Variants in TTYH2 observed in about 807,000 individuals in gnomAD.
TTYH2 encodes protein tweety homolog 2.
Under a neutral mutation model 68.3 loss-of-function variants are expected in TTYH2, and 49 were observed. The ratio of observed to expected loss-of-function variants is 0.72; its 90% CI spans 0.57 to 0.91. TTYH2 has a LOEUF of 0.91. Among genes scored for constraint, TTYH2 ranks in the 40% least tolerant of loss-of-function variants. The pLI is 0.00. For missense variants in TTYH2, 631 were observed against 700.4 expected, an observed-to-expected ratio of 0.90 and a Z score of 1.12; for synonymous variants, 272 against 300.8, an observed-to-expected ratio of 0.90 and a Z score of 0.99.
chr17:74,260,069 T>C (rs1598238360), intron 13 of TTYH2, 60 bp from the exon 14 acceptor site: 2 of 1,498,638 alleles, frequency 1.3e-6, no homozygotes, highest in East Asian at 2.3e-5. Flanking sequence ...CCCGGCACCT[T>C]TGCTGGTGCA....
In TTYH2 at chr17:74,213,821, T is replaced by G; in HGVS notation, c.129+105T>G. The G allele has an allele frequency of 2.9e-6, 4 of 1,381,348 alleles. No homozygotes were observed. The highest frequency in any genetic ancestry group is 2.7e-5 in the East Asian group (1 of 37,052). The allele number at this position is 1,381,348 out of a possible 1,614,324, so 85.6% of individuals were successfully genotyped here. A position where few individuals can be genotyped will look rare whatever the true frequency, so the allele number is the denominator to read the frequency against. Reference sequence around the variant, plus strand: ...CTTTCCCACGTGCCTCTCAGACCCCTTCTCTCCCCGCGCAGCCCTTTCCCG... The same window carrying G: ...CTTTCCCACGTGCCTCTCAGACCCCGTCTCTCCCCGCGCAGCCCTTTCCCG... On this transcript the variant is annotated intron_variant, in intron 1 of 13. Transcript: ENST00000269346. This position sits in a 1 kb window ranked among gnomAD's most constrained non-coding sequence, Gnocchi z 6.1.
At chr17:74,226,178 T>C (rs1003193280) in intron 2 of TTYH2, among the ~76,000 whole-genome samples, 1 of 152,082 alleles carries the variant, frequency 6.6e-6, no homozygotes, top group Non-Finnish European at 1.5e-5. Flanking sequence ...CCAAGTGCAG[T>C]TGGAGTTATA....
chr17:74,245,896 G>A (rs1046307542), intron 6 of TTYH2, among the ~76,000 whole-genome samples: 102 of 144,520 alleles, frequency 7.1e-4, no homozygotes, highest in African/African-American at 2.2e-3. Context: ...CCCCACCCCC[G>A]ACCCCTACCC....
chr17:74,236,164 C>T (rs1387775673), intron 3 of TTYH2, among the ~76,000 whole-genome samples: 1 of 152,172 alleles, frequency 6.6e-6, no homozygotes, highest in African/African-American at 2.4e-5. Flanking sequence ...GACACACATC[C>T]AGGGGAGGAT....
chr17:74,250,062 G>C, intron 9 of TTYH2, 34 bp downstream of exon 9: 1 of 1,609,028 alleles, frequency 6.2e-7, no homozygotes, highest in East Asian at 2.2e-5. Context: ...GGGAGCCCCA[G>C]ATGAACCCTG....
chr17:74,243,540 C>T, intron 5 of TTYH2, 71 bp downstream of exon 5: 1 of 1,521,912 alleles, frequency 6.6e-7, no homozygotes, highest in Non-Finnish European at 9.1e-7. Flanking sequence ...GAGACGAGGG[C>T]CTGGCCAGCT....
At chr17:74,255,508 G>A (rs1323088153) in intron 13 of TTYH2, among the ~76,000 whole-genome samples, 2 of 151,902 alleles carry the variant, frequency 1.3e-5, no homozygotes, top group Non-Finnish European at 2.9e-5. Flanking sequence ...CTGGAGTGCA[G>A]TGATGTCATC....
intron 2 of TTYH2, among the ~76,000 whole-genome samples, chr17:74,228,114 G>A (rs554560644): frequency 1.8e-3 from 269 of 151,382 alleles, no homozygotes; most frequent in African/African-American, 6.2e-3. Context: ...CTCCCGAGTA[G>A]CTGGGATTAC....
chr17:74,246,309 G>T (rs946487053), intron 6 of TTYH2, among the ~76,000 whole-genome samples: 1 of 152,172 alleles, frequency 6.6e-6, no homozygotes, highest in African/African-American at 2.4e-5. Flanking sequence ...CCCCTTCCCA[G>T]CAGTGGAAAC....
At chr17:74,247,856 C>CGT (rs138468457) in intron 6 of TTYH2, 27 of 151,614 alleles carry the variant, frequency 1.8e-4, no homozygotes, top group Admixed American at 6.6e-4. Flanking sequence ...TGCGTGCATG[C>CGT]GTGTGTGTGT....
chr17:74,253,011 G>A (rs2050651268), intron 11 of TTYH2, 70 bp from the exon 12 acceptor site: 2 of 1,539,652 alleles, frequency 1.3e-6, no homozygotes, highest in Admixed American at 1.8e-5. Flanking sequence ...CAGGGAAGTA[G>A]GACAGGACCT....
chr17:74,226,952 T>TTTTCTCTTCCTTTCC (rs1451699888), intron 2 of TTYH2, among the ~76,000 whole-genome samples: 1 of 152,070 alleles, frequency 6.6e-6, no homozygotes, highest in African/African-American at 2.4e-5. Context: ...CTTTCCTTTC[T>TTTTCTCTTCCTTTCC]TTTCTCTTCC....
chr17:74,261,665 T>C lies in TTYH2; in HGVS notation c.*1456T>C, dbSNP rs2050752243. 6.6e-6 allele frequency: 1 copy of C among 152,530 alleles called. No individual in the cohort carries two copies. Among genetic ancestry groups the C allele is most frequent in the Non-Finnish European group, 1.5e-5 (1 of 68,044 alleles). 9.4% of individuals were successfully genotyped at this position (152,530 alleles called of 1,614,324 possible). On this transcript the variant is annotated 3_prime_UTR_variant, in exon 14 of 14. Transcript: ENST00000269346. ...GTGCGGTGACTCGGTGCTTCTGTTT[T>C]GGAAGAACCACCTGTCATCAAAACA...
chr17:74,249,145 A>G (rs1347803824), intron 7 of TTYH2, 65 bp downstream of exon 7: 2 of 1,606,638 alleles, frequency 1.2e-6, no homozygotes, highest in African/African-American at 2.7e-5. Context: ...GCCCCTACTT[A>G]CCTCTTTCAG....
rs1328124249 is a variant in TTYH2, at chr17:74,236,914, G to A, written c.415-380G>A. Among the ~76,000 whole-genome samples, 7 of 127,380 alleles carry A rather than the reference G, an allele frequency of 5.5e-5. No individual in the cohort carries two copies. In the East Asian group the frequency reaches 1.1e-3, roughly 20 times the overall value. 83.6% of individuals were successfully genotyped at this position (127,380 alleles called of 152,430 possible). A position where few individuals can be genotyped will look rare whatever the true frequency, so the allele number is the denominator to read the frequency against. The stretch of plus-strand genomic sequence containing the variant: ...GGCCAGCTTTTTTTTTTTTTTTTTC[G>A]ACACAGAGTATCACTCTTGTCGCCC... On this transcript the variant is annotated intron_variant, in intron 3 of 13. Transcript: ENST00000269346.
At chr17:74,219,464 C>G (rs2050255121) in intron 1 of TTYH2, among the ~76,000 whole-genome samples, 1 of 151,146 alleles carries the variant, frequency 6.6e-6, no homozygotes, top group Admixed American at 6.6e-5. Flanking sequence ...GAATTTATAC[C>G]CTCGAGCACC....
At chr17:74,248,409 A>T in intron 6 of TTYH2, 1 of 986,688 alleles carries the variant, frequency 1.0e-6, no homozygotes. Context: ...TCCAGCTCAT[A>T]AGTGGCAGCC....
rs114146386 is a variant in TTYH2 at position 74,232,436 on chromosome 17, G to A, written c.414+1437G>A. ...CTGGGACCCATCCCCTTAGCTGAGCGCTGAGTCCCAGTGCGGAGATGCTAG... is the reference window on the plus strand; with the variant it reads ...CTGGGACCCATCCCCTTAGCTGAGCACTGAGTCCCAGTGCGGAGATGCTAG... On this transcript the variant is annotated intron_variant, in intron 3 of 13. Transcript: ENST00000269346. This position sits in a 1 kb window ranked among gnomAD's most constrained non-coding sequence, Gnocchi z 5.1. 0.011 allele frequency among the ~76,000 whole-genome samples: 1,656 copies of A among 152,306 alleles called. 18 individuals carry two copies. The highest frequency in any genetic ancestry group is 0.038 in the African/African-American group (1,594 of 41,570).
rs577470221 is a variant in TTYH2, at chr17:74,216,538, T to A, written c.129+2822T>A. On this transcript the variant is annotated intron_variant, in intron 1 of 13. Transcript: ENST00000269346. ...GAGGAAGTAGGGGCTCTCACTCACTTTCTGGGGTGTTTGGGAGCCGTGAAA... is the reference window on the plus strand; with the variant it reads ...GAGGAAGTAGGGGCTCTCACTCACTATCTGGGGTGTTTGGGAGCCGTGAAA... Among the ~76,000 whole-genome samples the A allele has an allele frequency of 1.9e-4, 29 of 152,256 alleles. No homozygotes were observed. The East Asian group carries it at 4.4e-3, about 23-fold the overall frequency.
Sources: allele counts gnomAD v4.1 joint callset (sites outside exome capture counted in the v4.1 genomes callset), GRCh38; gene constraint gnomAD v4.1.1; non-coding constraint Gnocchi (gnomAD v3.1); transcripts MANE v1.5; gene names NCBI Gene and HGNC (gene_info 2026-07-23, HGNC 2026-07-21).